LACTB: variants seen among roughly 807,000 people sequenced by gnomAD.
LACTB encodes the protein serine beta-lactamase-like protein LACTB, mitochondrial.
In LACTB, 35 loss-of-function variants were observed where a neutral mutation model predicts 50.2. The ratio of observed to expected loss-of-function variants is 0.70; its 90% CI spans 0.53 to 0.92. The LOEUF is 0.92. LACTB is among the 40% of genes least tolerant of loss of function. The pLI, the probability that LACTB is intolerant of heterozygous loss-of-function variation, is 0.00. For missense variants in LACTB, 664 were observed against 691.8 expected, an observed-to-expected ratio of 0.96 and a Z score of 0.45; for synonymous variants, 252 against 268.2, an observed-to-expected ratio of 0.94 and a Z score of 0.59.
intron 5 of LACTB, among the ~76,000 whole-genome samples, chr15:63,134,173 A>C (rs1161365361): frequency 2.6e-5 from 4 of 151,968 alleles, no homozygotes; most frequent in Admixed American, 1.3e-4. Context: ...TGTATGTCCA[A>C]TTATTGAGTT....
In LACTB at chr15:63,126,851, C is replaced by A; in HGVS notation, c.425-8C>A. 6.8e-7 allele frequency: 1 copy of A among 1,474,224 alleles called. No homozygotes were observed. Among genetic ancestry groups the A allele is most frequent in the Admixed American group, 2.3e-5 (1 of 44,252 alleles). 91.3% of individuals were successfully genotyped at this position (1,474,224 alleles called of 1,614,324 possible). A position where few individuals can be genotyped will look rare whatever the true frequency, so the allele number is the denominator to read the frequency against. On this transcript the variant is annotated splice_region_variant and splice_polypyrimidine_tract_variant and intron_variant, in intron 2 of 5. Transcript: ENST00000261893. Reference sequence around the variant, plus strand: ...TTAATAGTGACTTTTTGCTTTTTTCCCCCAAAGGTTTAGGTTATGCTGATG... The same window carrying A: ...TTAATAGTGACTTTTTGCTTTTTTCACCCAAAGGTTTAGGTTATGCTGATG...
chr15:63,135,071 T>C (rs1382502584), intron 5 of LACTB, among the ~76,000 whole-genome samples: 4 of 152,242 alleles, frequency 2.6e-5, no homozygotes, highest in African/African-American at 9.6e-5. Flanking sequence ...GTAGCACATT[T>C]AACAAATCAA....
intron 5 of LACTB, among the ~76,000 whole-genome samples, chr15:63,134,645 G>A (rs1265975039): frequency 2.6e-5 from 4 of 152,186 alleles, no homozygotes; most frequent in Non-Finnish European, 5.9e-5. Flanking sequence ...CACACTTTGC[G>A]ACAAGGGAGG....
chr15:63,127,564 G>A lies in LACTB; in HGVS notation c.827G>A (p.Arg276Gln), dbSNP rs201235539. The change falls in exon 4 of 6, where the codon CGG (arginine) becomes CAG (glutamine). Residue 276 changes from arginine (R) to glutamine (Q), a missense_variant. Arg to Gln is a conservative substitution (Grantham distance 43). Transcript: ENST00000261893. ...KTEQENEAKC[R>Q]NSKPGKKKND... ...GAGCAGGAGAATGAAGCCAAATGCC[G>A]GAATTCAAAACCTGGCAAGAAAAAG... 2.3e-4 allele frequency: 378 copies of A among 1,613,494 alleles called. No homozygotes were observed. Among genetic ancestry groups the A allele is most frequent in the Non-Finnish European group, 2.8e-4 (335 of 1,179,638 alleles).
Position 63,141,577 on chromosome 15 carries a change from G to A in LACTB, c.1416G>A (p.Thr472=), listed in dbSNP as rs538551934. 9.9e-6 allele frequency: 16 copies of A among 1,614,180 alleles called. No homozygotes were observed. The highest frequency in any genetic ancestry group is 7.7e-5 in the South Asian group (7 of 91,080). Residue 472 remains threonine, a synonymous_variant, in exon 6 of 6, where the codon ACG becomes ACA. Coordinates refer to ENST00000261893, the MANE Select transcript of LACTB (RefSeq NM_032857.5). ...MAWGVVERKQ[T]YGSCRKQRHY... is the part of the protein sequence containing the mutation. ...GGGGTGTTGTGGAAAGGAAACAAAC[G>A]TATGGTTCGTGTAGAAAGCAACGGC...
chr15:63,128,600 G>A (rs975895858), intron 4 of LACTB, among the ~76,000 whole-genome samples: 1 of 152,178 alleles, frequency 6.6e-6, no homozygotes, highest in African/African-American at 2.4e-5. Context: ...GCAAGACCCT[G>A]TCTCAAACCA....
intron 4 of LACTB, among the ~76,000 whole-genome samples, chr15:63,128,335 G>A (rs1040473301): frequency 6.6e-6 from 1 of 152,158 alleles, no homozygotes; most frequent in Non-Finnish European, 1.5e-5. Flanking sequence ...GTTGGCTCAC[G>A]CCTATAATCC....
In LACTB at chr15:63,141,683, A is replaced by G. The variant is rs1184322607; in HGVS notation, c.1522A>G (p.Ile508Val). The G allele has an allele frequency of 6.2e-7, 1 of 1,614,224 alleles. No homozygotes were observed. Among genetic ancestry groups the G allele is most frequent in the Non-Finnish European group, 8.5e-7 (1 of 1,180,038 alleles). The change falls in exon 6 of 6, where the codon ATA becomes GTA. Residue 508 changes from isoleucine (I) to valine (V), a missense_variant. By Grantham distance (29) the Ile-to-Val change is conservative (BLOSUM62 3). Coordinates refer to ENST00000261893, the MANE Select transcript of LACTB (RefSeq NM_032857.5). Reference sequence around the variant, plus strand: ...TCCTGAAGAACTGGATACAGAGACTATAAATAACAAGGTTCCCCCAAGAGG... The same window carrying G: ...TCCTGAAGAACTGGATACAGAGACTGTAAATAACAAGGTTCCCCCAAGAGG... ...VLPEELDTET[I>V]NNKVPPRGII...
At chr15:63,125,326 C>T (rs1431194939) in intron 2 of LACTB, among the ~76,000 whole-genome samples, 1 of 151,958 alleles carries the variant, frequency 6.6e-6, no homozygotes, top group East Asian at 1.9e-4. Flanking sequence ...CACCACCACG[C>T]CTGGCTAATT....
chr15:63,122,246 G>C lies in LACTB; in HGVS notation c.357+18G>C, dbSNP rs1388052222. On this transcript the variant is annotated intron_variant, in intron 1 of 5. Transcript: ENST00000261893. ...GGATCAAGGTGCGGCCACTGGAGCG[G>C]GGGGCGTAGGGGGCCGGGGATCCAC... 5 of 1,520,034 alleles carry C rather than the reference G, an allele frequency of 3.3e-6. No individual in the cohort carries two copies. The highest frequency in any genetic ancestry group is 4.4e-6 in the Non-Finnish European group (5 of 1,142,730). The allele number at this position is 1,520,034 out of a possible 1,614,324, so 94.2% of individuals were successfully genotyped here. A position where few individuals can be genotyped will look rare whatever the true frequency, so the allele number is the denominator to read the frequency against.
Position 63,141,774 on chromosome 15 carries a change from C to T in LACTB, c.1613C>T (p.Ala538Val). The T allele has an allele frequency of 6.2e-7, 1 of 1,613,272 alleles. No individual in the cohort carries two copies. ...VGLNSTALKI[A>V]LEFDKDRSD The stretch of plus-strand genomic sequence containing the variant: ...CTCAATAGCACCGCTTTGAAGATTG[C>T]CCTTGAATTTGATAAAGACAGATCA... Residue 538 changes from alanine (A) to valine (V), a missense_variant, in exon 6 of 6, where the codon GCC (alanine) becomes GTC (valine). Coordinates refer to ENST00000261893, the MANE Select transcript of LACTB (RefSeq NM_032857.5).
In LACTB at chr15:63,127,469, G is replaced by T; in HGVS notation, c.732G>T (p.Glu244Asp). 7 of 1,612,948 alleles carry T rather than the reference G, an allele frequency of 4.3e-6. No individual in the cohort carries two copies. The highest frequency in any genetic ancestry group is 5.9e-6 in the Non-Finnish European group (7 of 1,179,264). ...ATAAAGCCTTGAAGATGATGAAAGA[G>T]AATGTTGCATTTGAGCAAGAAAAAG... ...KAYKALKMMK[E>D]NVAFEQEKEG... Residue 244 changes from glutamate to aspartate, a missense_variant, in exon 4 of 6, where the codon GAG (glutamate) becomes GAT (aspartate). Transcript: ENST00000261893.
chr15:63,139,913 C>G (rs1254947240), intron 5 of LACTB, among the ~76,000 whole-genome samples: 2 of 144,996 alleles, frequency 1.4e-5, no homozygotes, highest in African/African-American at 5.2e-5. Flanking sequence ...GGCTGGACAA[C>G]AGTGAGACCT....
chr15:63,141,318 C>A lies in LACTB; in HGVS notation c.1157C>A (p.Thr386Lys). The change falls in exon 6 of 6, where the codon ACA becomes AAA. Residue 386 changes from threonine (T) to lysine (K), a missense_variant. Thr to Lys is a moderately conservative substitution (Grantham distance 78, BLOSUM62 -1). Transcript: ENST00000261893. ...VYNKKKRLVN[T>K]PYVDNSYKWA... is the part of the protein sequence containing the mutation. Reference sequence around the variant, plus strand: ...AATAAAAAGAAACGTCTTGTCAACACACCTTACGTGGATAACTCCTATAAA... The same window carrying A: ...AATAAAAAGAAACGTCTTGTCAACAAACCTTACGTGGATAACTCCTATAAA... 6.2e-7 allele frequency: 1 copy of A among 1,613,024 alleles called. No homozygotes were observed. The highest frequency in any genetic ancestry group is 8.5e-7 in the Non-Finnish European group (1 of 1,179,406).
chr15:63,139,326 A>G (rs938684188), intron 5 of LACTB, among the ~76,000 whole-genome samples: 32 of 151,870 alleles, frequency 2.1e-4, no homozygotes, highest in African/African-American at 7.0e-4. Flanking sequence ...GCTGCACTCC[A>G]GCCTGGGCAC....
chr15:63,121,938 G>A lies in LACTB; in HGVS notation c.67G>A (p.Gly23Arg). The A allele has an allele frequency of 1.4e-6, 2 of 1,419,872 alleles. No individual in the cohort carries two copies. The highest frequency in any genetic ancestry group is 1.8e-6 in the Non-Finnish European group (2 of 1,093,810). The allele number at this position is 1,419,872 out of a possible 1,614,324, so 88.0% of individuals were successfully genotyped here. Residue 23 changes from glycine (G) to arginine (R), a missense_variant, in exon 1 of 6, where the codon GGA becomes AGA. By Grantham distance (125) the Gly-to-Arg change is moderately radical. Transcript: ENST00000261893. Reference protein sequence around the residue: ...AAPGGLASSCGRRGVHQRAGL... With the variant: ...AAPGGLASSCRRRGVHQRAGL... ...CCCCGGGGGCTTGGCCTCAAGCTGC[G>A]GACGACGCGGGGTCCATCAGCGCGC...
intron 5 of LACTB, among the ~76,000 whole-genome samples, chr15:63,137,981 A>G (rs2037191733): frequency 6.6e-6 from 1 of 152,208 alleles, no homozygotes; most frequent in Non-Finnish European, 1.5e-5. Flanking sequence ...AACTTCTTAT[A>G]ACAATAAATA....
At chr15:63,124,941 G>A (rs1397532413) in intron 2 of LACTB, among the ~76,000 whole-genome samples, 1 of 140,478 alleles carries the variant, frequency 7.1e-6, no homozygotes, top group African/African-American at 2.6e-5. Context: ...GCAACAGCGA[G>A]ACTCTGTCTC....
At chr15:63,124,952 A>G (rs1397254203) in intron 2 of LACTB, among the ~76,000 whole-genome samples, 1 of 60,784 alleles carries the variant, frequency 1.6e-5, no homozygotes, top group Non-Finnish European at 3.8e-5. Context: ...ACTCTGTCTC[A>G]AAAAAAAAGA....
Sources: gnomAD v4.1 joint callset for allele counts (sites outside exome capture counted in the v4.1 genomes callset) on GRCh38, gnomAD v4.1.1 for gene constraint, MANE v1.5 for transcripts, NCBI Gene and HGNC (gene_info 2026-07-23, HGNC 2026-07-21) for gene names.